TCF4: variants seen among roughly 807,000 people sequenced by gnomAD.
TCF4 encodes the protein SL3-3 enhancer factor 2.
TCF4 carries 3 observed loss-of-function variants against 82.1 expected under a neutral mutation model. The ratio of observed to expected loss-of-function variants is 0.04; its 90% CI spans 0.02 to 0.09. The LOEUF (loss-of-function observed/expected upper bound fraction) is 0.09, where lower values mean the gene tolerates loss of function less well. Among genes scored for constraint, TCF4 ranks in the 10% least tolerant of loss-of-function variants. TCF4 has a pLI of 1.00. For synonymous variants in TCF4, 276 were observed against 309.6 expected (o/e 0.89, Z 1.14); for missense variants, 518 against 852.7 (o/e 0.61, Z 4.89).
intron 3 of TCF4, among the ~76,000 whole-genome samples, chr18:55,502,875 ATTAAC>A (rs1603616582): frequency 6.6e-6 from 1 of 152,320 alleles, no homozygotes; most frequent in East Asian, 1.9e-4. Flanking sequence ...TAAAATGAAT[ATTAAC>A]TTCATCTTAA....
intron 3 of TCF4, among the ~76,000 whole-genome samples, chr18:55,504,251 C>T (rs1217681178): frequency 1.4e-4 from 21 of 152,146 alleles, no homozygotes; most frequent in Non-Finnish European, 1.5e-5. Flanking sequence ...GAAACGTATA[C>T]ATGGGAGAAA....
At chr18:55,576,296 T>C (rs1381516744) in intron 3 of TCF4, among the ~76,000 whole-genome samples, 1 of 152,152 alleles carries the variant, frequency 6.6e-6, no homozygotes, top group Non-Finnish European at 1.5e-5. Context: ...AGTGATATTA[T>C]AGGAAGAATT....
At chr18:55,269,766 A>C in intron 11 of TCF4, 65 bp downstream of exon 11, 1 of 1,602,974 alleles carries the variant, frequency 6.2e-7, no homozygotes, top group South Asian at 1.1e-5. Flanking sequence ...AGGGAAAAAG[A>C]GGTCCTTGAT....
chr18:55,559,284 A>G (rs2097334418), intron 3 of TCF4, among the ~76,000 whole-genome samples: 1 of 152,022 alleles, frequency 6.6e-6, no homozygotes, highest in Non-Finnish European at 1.5e-5. Context: ...ATTCAGCTTG[A>G]TCTATGATAT....
At chr18:55,342,459 AT>A (rs971939696) in intron 8 of TCF4, among the ~76,000 whole-genome samples, 2 of 152,128 alleles carry the variant, frequency 1.3e-5, no homozygotes, top group Non-Finnish European at 2.9e-5. Context: ...TTTCGAATTT[AT>A]TTTATGTAAC....
At chr18:55,411,130 G>A (rs1317360326) in intron 5 of TCF4, among the ~76,000 whole-genome samples, 1 of 152,134 alleles carries the variant, frequency 6.6e-6, no homozygotes, top group Non-Finnish European at 1.5e-5. Context: ...GTTTGGGGAG[G>A]TGTGTCAAAT....
intron 8 of TCF4, among the ~76,000 whole-genome samples, chr18:55,334,766 A>G (rs554694355): frequency 3.3e-5 from 5 of 152,312 alleles, no homozygotes; most frequent in African/African-American, 1.2e-4. Flanking sequence ...TCTTAATCCT[A>G]GCTTAGAGAA....
chr18:55,342,434 T>A (rs1467258689), intron 8 of TCF4, among the ~76,000 whole-genome samples: 1 of 152,098 alleles, frequency 6.6e-6, no homozygotes, highest in Non-Finnish European at 1.5e-5. Context: ...TATGCCTGAG[T>A]ATTAAATGGC....
At chr18:55,616,989 A>G (rs919542869) in intron 2 of TCF4, among the ~76,000 whole-genome samples, 1 of 152,024 alleles carries the variant, frequency 6.6e-6, no homozygotes, top group African/African-American at 2.4e-5. Context: ...TTTTGCTGTC[A>G]TATCTAATAA....
At chr18:55,501,898 G>A (rs937064348) in intron 3 of TCF4, among the ~76,000 whole-genome samples, 5 of 151,962 alleles carry the variant, frequency 3.3e-5, no homozygotes, top group Non-Finnish European at 5.9e-5. Context: ...GAAGACCCCC[G>A]CCCACCCTAA....
At chr18:55,510,826 ACTGG>A (rs1297829202) in intron 3 of TCF4, 18 of 1,113,916 alleles carry the variant, frequency 1.6e-5, no homozygotes, top group South Asian at 3.7e-5. Context: ...GGGAAATGAT[ACTGG>A]CTGTGTGTTT....
At chr18:55,399,872 T>TCA (rs1245698161) in intron 6 of TCF4, among the ~76,000 whole-genome samples, 6 of 131,992 alleles carry the variant, frequency 4.5e-5, no homozygotes, top group African/African-American at 1.8e-4. Flanking sequence ...TCTCTCTCTC[T>TCA]CTCTCTCTCA....
rs181332398 is a variant in TCF4 at position 55,551,069 on chromosome 18, G to A, written c.145+34211C>T. 158 of 152,232 alleles carry A rather than the reference G, an allele frequency of 1.0e-3. 1 individual carries two copies. The highest frequency in any genetic ancestry group is 1.7e-3 in the Non-Finnish European group (113 of 68,188). The allele number at this position is 152,232 out of a possible 1,614,324, so 9.4% of individuals were successfully genotyped here. ...AGCAATTCTCCTGCCTCAGCCTCCC[G>A]AGTAGCTGGGATTACAGGCACCCAG... On this transcript the variant is annotated intron_variant, in intron 3 of 19. Transcript: ENST00000354452.
intron 3 of TCF4, among the ~76,000 whole-genome samples, chr18:55,491,624 G>GT (rs2096577973): frequency 6.6e-6 from 1 of 152,118 alleles, no homozygotes; most frequent in Non-Finnish European, 1.5e-5. Flanking sequence ...CAAGTGTTAT[G>GT]TTTTCACATA....
chr18:55,256,085 TG>T (rs1350088508), intron 14 of TCF4, among the ~76,000 whole-genome samples: 4 of 152,122 alleles, frequency 2.6e-5, no homozygotes, highest in Non-Finnish European at 4.4e-5. Context: ...TTTATAAATA[TG>T]GGAATGATAA....
chr18:55,486,618 A>G (rs1205674723), intron 3 of TCF4, among the ~76,000 whole-genome samples: 1 of 152,132 alleles, frequency 6.6e-6, no homozygotes, highest in East Asian at 1.9e-4. Context: ...CAACAAAGAA[A>G]AGAAGACAAG....
chr18:55,443,985 A>T (rs149259098), intron 5 of TCF4, among the ~76,000 whole-genome samples: 55 of 152,318 alleles, frequency 3.6e-4, no homozygotes, highest in African/African-American at 1.3e-3. Flanking sequence ...ACTCAGAGAA[A>T]GCAACTTAGA....
At chr18:55,395,006 T>C (rs185756377) in intron 6 of TCF4, among the ~76,000 whole-genome samples, 9 of 152,364 alleles carry the variant, frequency 5.9e-5, no homozygotes, top group African/African-American at 2.2e-4. Flanking sequence ...AGGCTTCTGT[T>C]GCTATCTTTC....
chr18:55,519,980 A>G (rs1178344602), intron 3 of TCF4, among the ~76,000 whole-genome samples: 1 of 152,162 alleles, frequency 6.6e-6, no homozygotes, highest in Non-Finnish European at 1.5e-5. Flanking sequence ...GTGCTATAAG[A>G]ATCTTCTCAT....
Sources: gnomAD v4.1 joint callset for allele counts (sites outside exome capture counted in the v4.1 genomes callset) on GRCh38, gnomAD v4.1.1 for gene constraint, MANE v1.5 for transcripts, NCBI Gene and HGNC (gene_info 2026-07-23, HGNC 2026-07-21) for gene names.